The following CSMD1 variants were observed in gnomAD, a reference collection of about 807,000 sequenced individuals.
CSMD1 encodes CUB and Sushi multiple domains 1, also known as CUB and sushi domain-containing protein 1.
CSMD1 carries 213 observed loss-of-function variants against 417.5 expected under a neutral mutation model. That is an observed-to-expected ratio of 0.51 (90% CI 0.46 to 0.57). The LOEUF (loss-of-function observed/expected upper bound fraction) is 0.57. CSMD1 is among the 20% of genes least tolerant of loss of function. The pLI, the probability that CSMD1 is intolerant of heterozygous loss-of-function variation, is 0.00. For synonymous variants in CSMD1, 2,862 were observed against 1,736.8 expected, an observed-to-expected ratio of 1.65 and a Z score of -16.11; for missense variants, 6,923 against 4,529.7, an observed-to-expected ratio of 1.53 and a Z score of -15.17.
At chr8:4,400,372 C>T (rs763102434) in intron 3 of CSMD1, among the ~76,000 whole-genome samples, 1 of 152,192 alleles carries the variant, frequency 6.6e-6, no homozygotes, top group Non-Finnish European at 1.5e-5. Flanking sequence ...AAATGCTTTT[C>T]ATTTATATAT....
chr8:4,157,348 A>T (rs142000767), intron 3 of CSMD1, among the ~76,000 whole-genome samples: 24 of 152,318 alleles, frequency 1.6e-4, no homozygotes, highest in African/African-American at 5.8e-4. Context: ...GATATTTACC[A>T]TCATTTTCTT....
intron 5 of CSMD1, among the ~76,000 whole-genome samples, chr8:3,994,071 C>T (rs986294051): frequency 2.6e-5 from 4 of 152,190 alleles, no homozygotes; most frequent in Non-Finnish European, 4.4e-5. Flanking sequence ...GGAAGGCACA[C>T]TGAGGCTTCC....
chr8:3,013,911 T>C (rs1217897354), intron 52 of CSMD1, among the ~76,000 whole-genome samples: 1 of 152,104 alleles, frequency 6.6e-6, no homozygotes, highest in East Asian at 1.9e-4. Flanking sequence ...GGGAAGAACC[T>C]TATTAATAAG....
At chr8:3,489,151 G>C (rs1219277016) in intron 11 of CSMD1, among the ~76,000 whole-genome samples, 3 of 152,118 alleles carry the variant, frequency 2.0e-5, no homozygotes, top group African/African-American at 7.2e-5. Context: ...CTTTGACTCA[G>C]GATCAGCAGA....
At chr8:3,140,612 C>T (rs974944466) in intron 41 of CSMD1, among the ~76,000 whole-genome samples, 3 of 151,786 alleles carry the variant, frequency 2.0e-5, no homozygotes, top group African/African-American at 7.3e-5. Flanking sequence ...TGAGACTACA[C>T]ATAATAATGC....
chr8:3,548,810 C>G (rs531177974), intron 10 of CSMD1, among the ~76,000 whole-genome samples: 1 of 152,096 alleles, frequency 6.6e-6, no homozygotes, highest in East Asian at 1.9e-4. Context: ...TTTCTAAGCC[C>G]TTTCAGAGCA....
chr8:4,240,101 C>G lies in CSMD1; in HGVS notation c.415+179852G>C, dbSNP rs910703212. 1.1e-4 allele frequency among the ~76,000 whole-genome samples: 16 copies of G among 152,270 alleles called. No homozygotes were observed. In the South Asian group the frequency reaches 1.2e-3, roughly 12 times the overall value. ...TAAATAAAGCTTCTTAAATACTAAA[C>G]CAAATGTTGATTGTTATTTTTCTAT... On this transcript the variant is annotated intron_variant, in intron 3 of 69. Coordinates refer to ENST00000635120, the MANE Select transcript of CSMD1 (RefSeq NM_033225.6).
chr8:4,604,725 G>C (rs573184277), intron 2 of CSMD1, among the ~76,000 whole-genome samples: 2 of 151,992 alleles, frequency 1.3e-5, no homozygotes, highest in Non-Finnish European at 2.9e-5. Flanking sequence ...GGGCTTAATG[G>C]TAACATTTAT....
intron 3 of CSMD1, among the ~76,000 whole-genome samples, chr8:4,336,494 T>C (rs144681619): frequency 6.6e-6 from 1 of 152,130 alleles, no homozygotes; most frequent in South Asian, 2.1e-4. Context: ...GAAACACAGA[T>C]ACAACTACAT....
In CSMD1 at chr8:3,263,045, T is replaced by A. The variant is rs1253944668; in HGVS notation, c.4153+21099A>T. On this transcript the variant is annotated intron_variant, in intron 26 of 69. Transcript: ENST00000635120. ...TGACCCATAAATTCTCATTTTTGAATTCATATGTCACCTACTTTGTGTAAT... is the reference window on the plus strand; with the variant it reads ...TGACCCATAAATTCTCATTTTTGAAATCATATGTCACCTACTTTGTGTAAT... 3.3e-5 allele frequency among the ~76,000 whole-genome samples: 5 copies of A among 152,308 alleles called. No homozygotes were observed. In the East Asian group the frequency reaches 9.7e-4, roughly 29 times the overall value.
chr8:3,964,877 T>A (rs1161852362), intron 5 of CSMD1, among the ~76,000 whole-genome samples: 1 of 152,216 alleles, frequency 6.6e-6, no homozygotes, highest in African/African-American at 2.4e-5. Context: ...TGTGATTGCA[T>A]ATTATGCCTA....
intron 5 of CSMD1, among the ~76,000 whole-genome samples, chr8:3,842,217 G>A (rs893202942): frequency 2.6e-5 from 4 of 152,056 alleles, no homozygotes; most frequent in African/African-American, 7.2e-5. Flanking sequence ...CAAGCCTCTT[G>A]TAGAATCATC....
intron 3 of CSMD1, among the ~76,000 whole-genome samples, chr8:4,371,999 A>G (rs1802426318): frequency 6.6e-6 from 1 of 152,208 alleles, no homozygotes; most frequent in Non-Finnish European, 1.5e-5. Context: ...CTGAAGACAT[A>G]AGAGTTCAAA....
At chr8:3,996,474 C>T (rs564710842) in intron 5 of CSMD1, among the ~76,000 whole-genome samples, 5 of 151,582 alleles carry the variant, frequency 3.3e-5, no homozygotes, top group Non-Finnish European at 5.9e-5. Flanking sequence ...TCTCTTTTTA[C>T]AAATCGACTT....
intron 3 of CSMD1, among the ~76,000 whole-genome samples, chr8:4,291,211 A>T (rs967441157): frequency 6.6e-6 from 1 of 152,118 alleles, no homozygotes; most frequent in Admixed American, 6.5e-5. Flanking sequence ...TTAATTTTAA[A>T]AACAAAAATA....
intron 12 of CSMD1, among the ~76,000 whole-genome samples, chr8:3,436,139 T>G (rs1405519193): frequency 6.6e-6 from 1 of 152,132 alleles, no homozygotes; most frequent in Non-Finnish European, 1.5e-5. Context: ...CCCCTACATT[T>G]TTCTTTATTG....
At chr8:2,951,801 A>G (rs1032812748) in intron 65 of CSMD1, among the ~76,000 whole-genome samples, 2 of 152,210 alleles carry the variant, frequency 1.3e-5, no homozygotes, top group African/African-American at 2.4e-5. Context: ...CTTTCACTTC[A>G]GAGTCTTTAT....
At position 3,723,730 on chromosome 8, in the gene CSMD1, A is replaced by T. The variant is rs372827491; in HGVS notation, c.932-15239T>A. ...TGTGCTTTTTTACTTATTGCACAAT[A>T]TCTAACTTATTTTTAGATACAGACA... On this transcript the variant is annotated intron_variant, in intron 6 of 69. Transcript: ENST00000635120. Among the ~76,000 whole-genome samples the T allele has an allele frequency of 9.9e-4, 151 of 152,324 alleles. 3 individuals are homozygous for T. In the South Asian group the frequency reaches 0.031, roughly 31 times the overall value.
intron 6 of CSMD1, among the ~76,000 whole-genome samples, chr8:3,714,158 T>C (rs1240257006): frequency 6.7e-6 from 1 of 150,130 alleles, no homozygotes. Context: ...AGAAAGTTAA[T>C]AACATATTAC....
Sources: allele counts gnomAD v4.1 joint callset (sites outside exome capture counted in the v4.1 genomes callset), GRCh38; gene constraint gnomAD v4.1.1; transcripts MANE v1.5; gene names NCBI Gene and HGNC (gene_info 2026-07-23, HGNC 2026-07-21).